Variants in SP3 observed in about 807,000 individuals in gnomAD.
SP3 encodes the protein Sp3 transcription factor.
A neutral mutation model predicts 70.3 loss-of-function variants in SP3; 10 were observed. That is an observed-to-expected ratio of 0.14 (90% CI 0.09 to 0.24). The LOEUF is 0.24. SP3 is among the 10% of genes least tolerant of loss of function. SP3 has a pLI of 1.00. For missense variants in SP3, 825 were observed against 914.6 expected (o/e 0.90, Z 1.26); for synonymous variants, 402 against 333.5 (o/e 1.21, Z -2.24).
In SP3 at chr2:173,954,984, G is replaced by A. The variant is rs776540474; in HGVS notation, c.1528C>T (p.Pro510Ser). 4 of 1,614,154 alleles carry A rather than the reference G, an allele frequency of 2.5e-6. No homozygotes were observed. In the East Asian group the frequency reaches 6.7e-5, roughly 27 times the overall value. ...VAAGGAFTSTPVSLSTGQLPN... is the reference protein window; with the variant it reads ...VAAGGAFTSTSVSLSTGQLPN... ...AACTGACCAGTGCTTAGACTAACTG[G>A]AGTTGAAGTGAAGGCTCCACCTGCC... is the stretch of plus-strand genomic sequence containing the variant. Residue 510 changes from proline to serine, a missense_variant, in exon 4 of 7, where the codon CCA becomes TCA. Coordinates refer to ENST00000310015, the MANE Select transcript of SP3 (RefSeq NM_003111.5).
rs965176612 is a variant in SP3 at position 173,907,823 on chromosome 2, A to C, written c.*2118T>G. 5 of 152,112 alleles carry C rather than the reference A, an allele frequency of 3.3e-5. No homozygotes were observed. The highest frequency in any genetic ancestry group is 9.7e-5 in the African/African-American group (4 of 41,448). The allele number at this position is 152,112 out of a possible 1,614,324, so 9.4% of individuals were successfully genotyped here. The stretch of plus-strand genomic sequence containing the variant: ...TAACTTCAAAATAATTGTAAATTCT[A>C]GTGGTTCCTTTATATTATTCCAAGT... On this transcript the variant is annotated 3_prime_UTR_variant, in exon 7 of 7. Transcript: ENST00000310015.
At chr2:173,958,971 A>C (rs531350583) in intron 3 of SP3, among the ~76,000 whole-genome samples, 3 of 152,296 alleles carry the variant, frequency 2.0e-5, no homozygotes, top group Admixed American at 6.5e-5. Flanking sequence ...GTGAGTGCTA[A>C]GATTATGAGA....
At chr2:173,953,368 G>A (rs1209232923) in intron 4 of SP3, among the ~76,000 whole-genome samples, 1 of 152,208 alleles carries the variant, frequency 6.6e-6, no homozygotes, top group African/African-American at 2.4e-5. Flanking sequence ...ATGGTCCACA[G>A]ATCACATTTT....
chr2:173,910,177 G>C lies in SP3; in HGVS notation c.2110C>G (p.Gln704Glu). Residue 704 changes from glutamine (Q) to glutamate (E), a missense_variant, in exon 7 of 7, where the codon CAG (glutamine) becomes GAG (glutamate). Gln to Glu is a conservative substitution (Grantham distance 29). This residue lies in a region of SP3 where 91 missense variants were observed against 97.4 expected (regional missense o/e 0.93). Coordinates refer to ENST00000310015, the MANE Select transcript of SP3 (RefSeq NM_003111.5). ...CTAGAGTGAATACCTTTTTTATTCT[G>C]GTGTGTTTTAATATGTTTGGCAAGG... ...DHLAKHIKTH[Q>E]NKKGIHSSST... 6.2e-7 allele frequency: 1 copy of C among 1,613,716 alleles called. No individual in the cohort carries two copies. The highest frequency in any genetic ancestry group is 8.5e-7 in the Non-Finnish European group (1 of 1,179,798).
In SP3 at chr2:173,955,413, C is replaced by A. The variant is rs1308831401; in HGVS notation, c.1099G>T (p.Asp367Tyr). ...TTSSGQVHSSDLQGNYIQSPV... is the reference protein window; with the variant it reads ...TTSSGQVHSSYLQGNYIQSPV... ...GACTGGATATAATTTCCCTGAAGAT[C>A]TGAAGAATGAACCTGCCCACTAGAT... Residue 367 changes from aspartate (D) to tyrosine (Y), a missense_variant, in exon 4 of 7, where the codon GAT (aspartate) becomes TAT (tyrosine). Coordinates refer to ENST00000310015, the MANE Select transcript of SP3 (RefSeq NM_003111.5). The A allele has an allele frequency of 6.2e-7, 1 of 1,614,106 alleles. No individual in the cohort carries two copies. The highest frequency in any genetic ancestry group is 1.1e-5 in the South Asian group (1 of 91,082).
At position 173,908,455 on chromosome 2, in the gene SP3, A is replaced by G. The variant is rs1045981149; in HGVS notation, c.*1486T>C. The G allele has an allele frequency of 2.0e-5, 3 of 152,510 alleles. No individual in the cohort carries two copies. Among genetic ancestry groups the G allele is most frequent in the Admixed American group, 6.6e-5 (1 of 15,264 alleles). 9.4% of individuals were successfully genotyped at this position (152,510 alleles called of 1,614,324 possible). ...TCAAGAATCTAAAAATAAAAAGCCAAGTTGAAGAAAAATAAACCACCAATT... is the reference window on the plus strand; with the variant it reads ...TCAAGAATCTAAAAATAAAAAGCCAGGTTGAAGAAAAATAAACCACCAATT... On this transcript the variant is annotated 3_prime_UTR_variant, in exon 7 of 7. Coordinates refer to ENST00000310015, the MANE Select transcript of SP3 (RefSeq NM_003111.5).
chr2:173,902,847 G>T lies in SP3; in HGVS notation c.*7094C>A, dbSNP rs1184255378. Among the ~76,000 whole-genome samples, 1 of 152,196 alleles carries T rather than the reference G, an allele frequency of 6.6e-6. No homozygotes were observed. Among genetic ancestry groups the T allele is most frequent in the Non-Finnish European group, 1.5e-5 (1 of 68,030 alleles). ...CAAATTCAGAGCTGCAATTACTTAT[G>T]TGGGTAAAGGGAGACAAATGAAATG... On this transcript the variant is annotated 3_prime_UTR_variant, in exon 7 of 7. Transcript: ENST00000310015.
rs1689781535 is a variant in SP3, at chr2:173,922,415, A to C, written c.1640-3630T>G. On this transcript the variant is annotated intron_variant, in intron 4 of 6. Transcript: ENST00000310015. ...AGTCAGGGGCCTATTTTGAAATATG[A>C]AAGTTCTGAATGCCTATTGAATATC... 2.0e-5 allele frequency among the ~76,000 whole-genome samples: 3 copies of C among 151,960 alleles called. No individual in the cohort carries two copies. The South Asian group carries it at 6.2e-4, about 32-fold the overall frequency.
Position 173,909,000 on chromosome 2 carries a change from G to A in SP3, c.*941C>T, listed in dbSNP as rs903628553. 1 of 152,128 alleles carries A rather than the reference G, an allele frequency of 6.6e-6. No individual in the cohort carries two copies. Among genetic ancestry groups the A allele is most frequent in the Non-Finnish European group, 1.5e-5 (1 of 67,838 alleles). The allele number at this position is 152,128 out of a possible 1,614,324, so 9.4% of individuals were successfully genotyped here. A position where few individuals can be genotyped will look rare whatever the true frequency, so the allele number is the denominator to read the frequency against. On this transcript the variant is annotated 3_prime_UTR_variant, in exon 7 of 7. Coordinates refer to ENST00000310015, the MANE Select transcript of SP3 (RefSeq NM_003111.5). ...TGGTTGGAGTATCGTCACTATGGAA[G>A]TGATTTTGTTATGTTTGCATATGTT...
intron 4 of SP3, among the ~76,000 whole-genome samples, chr2:173,952,319 A>T (rs1157527521): frequency 6.6e-6 from 1 of 152,170 alleles, no homozygotes; most frequent in Non-Finnish European, 1.5e-5. Flanking sequence ...CATACTTCCC[A>T]TTTCATCATA....
At chr2:173,933,947 T>TA in intron 4 of SP3, among the ~76,000 whole-genome samples, 1 of 149,652 alleles carries the variant, frequency 6.7e-6, no homozygotes, top group East Asian at 2.0e-4. Flanking sequence ...AAAGCGGAAA[T>TA]AAGAGTTGGA....
At chr2:173,935,010 A>G (rs1438435764) in intron 4 of SP3, among the ~76,000 whole-genome samples, 1 of 152,204 alleles carries the variant, frequency 6.6e-6, no homozygotes, top group African/African-American at 2.4e-5. Flanking sequence ...AATTTTGCTT[A>G]GGGAATAAGT....
In SP3 at chr2:173,913,056, TA is replaced by T; in HGVS notation, c.2029+13del. 6.5e-7 allele frequency: 1 copy of T among 1,534,074 alleles called. No individual in the cohort carries two copies. The highest frequency in any genetic ancestry group is 1.8e-4 in the Middle Eastern group (1 of 5,668). On this transcript the variant is annotated intron_variant, in intron 6 of 6. Transcript: ENST00000310015. Reference sequence around the variant, plus strand: ...ATAATTCATTTTTGTCTGTTAAAAGTAAGTATTAGTAACCTGTATGTGTTCT... The same window carrying T: ...ATAATTCATTTTTGTCTGTTAAAAGTAGTATTAGTAACCTGTATGTGTTCT...
At chr2:173,936,106 C>T (rs1040360978) in intron 4 of SP3, among the ~76,000 whole-genome samples, 4 of 152,178 alleles carry the variant, frequency 2.6e-5, no homozygotes, top group African/African-American at 9.7e-5. Flanking sequence ...CAGCTCACTG[C>T]AACCTATGCC....
rs1690793614 is a variant in SP3 at position 173,953,795 on chromosome 2, A to C, written c.1639+1078T>G. 3.3e-5 allele frequency among the ~76,000 whole-genome samples: 5 copies of C among 149,402 alleles called. No homozygotes were observed. The South Asian group carries it at 1.1e-3, about 32-fold the overall frequency. On this transcript the variant is annotated intron_variant, in intron 4 of 6. Coordinates refer to ENST00000310015, the MANE Select transcript of SP3 (RefSeq NM_003111.5). ...AAAACAAAACAAAACAAAAAAAAAA[A>C]CAACTACTGCTCTAAACCAGTTTCA...
rs1691212217 is a variant in SP3 at position 173,964,418 on chromosome 2, G to GCCGCCGCCA, written c.134_142dup (p.Val45_Ala47dup). 3 of 726,882 alleles carry GCCGCCGCCA rather than the reference G, an allele frequency of 4.1e-6. No individual in the cohort carries two copies. Among genetic ancestry groups the GCCGCCGCCA allele is most frequent in the Non-Finnish European group, 5.0e-6 (2 of 397,576 alleles). 45.0% of individuals were successfully genotyped at this position (726,882 alleles called of 1,614,324 possible). On this transcript the variant is annotated inframe_insertion, in exon 2 of 7. Transcript: ENST00000310015. ...GCCGCTCCTCACCTGGGCCGCCGCTGCCGCCGCCACCGCACCGTTTCCGTG... is the reference window on the plus strand; with the variant it reads ...GCCGCTCCTCACCTGGGCCGCCGCTGCCGCCGCCACCGCCGCCACCGCACCGTTTCCGTG...
chr2:173,955,370 G>C lies in SP3; in HGVS notation c.1142C>G (p.Thr381Arg), dbSNP rs762837451. The C allele has an allele frequency of 1.1e-5, 17 of 1,613,984 alleles. No homozygotes were observed. The highest frequency in any genetic ancestry group is 3.3e-5 in the Admixed American group (2 of 59,954). The stretch of plus-strand genomic sequence containing the variant: ...AGAAACCTGAATATTCTGTGCCTGT[G>C]TCTCTTCAGAAACAGGCGACTGGAT... Reference protein sequence around the residue: ...NYIQSPVSEETQAQNIQVSTA... With the variant: ...NYIQSPVSEERQAQNIQVSTA... Residue 381 changes from threonine to arginine, a missense_variant, in exon 4 of 7, where the codon ACA becomes AGA. Physicochemically the swap from Thr to Arg is moderately conservative, Grantham distance 71. Around this residue, in one of 4 missense-constraint regions of SP3, gnomAD observed 678 missense variants for 651.6 expected, o/e 1.04. Transcript: ENST00000310015.
intron 4 of SP3, among the ~76,000 whole-genome samples, chr2:173,933,781 G>A (rs1690139038): frequency 6.6e-6 from 1 of 150,884 alleles, no homozygotes; most frequent in Non-Finnish European, 1.5e-5. Context: ...GCTTCAAAAA[G>A]CAAATGAAAT....
At chr2:173,961,060 T>C (rs990285952) in intron 3 of SP3, among the ~76,000 whole-genome samples, 1 of 152,234 alleles carries the variant, frequency 6.6e-6, no homozygotes, top group Non-Finnish European at 1.5e-5. Flanking sequence ...CAAGTTCACA[T>C]AAATGCAAAC....
Sources: gnomAD v4.1 joint callset for allele counts (sites outside exome capture counted in the v4.1 genomes callset) on GRCh38, gnomAD v4.1.1 for gene constraint, gnomAD v4.1.1 regional missense constraint, MANE v1.5 for transcripts, NCBI Gene and HGNC (gene_info 2026-07-23, HGNC 2026-07-21) for gene names.